Variants in SLC2A9 observed in about 807,000 individuals in gnomAD.
SLC2A9 encodes the protein solute carrier family 2 member 9, also known as solute carrier family 2, facilitated glucose transporter member 9.
Under a neutral mutation model 50.6 loss-of-function variants are expected in SLC2A9, and 39 were observed. The observed-to-expected ratio is 0.77, with a 90% CI of 0.60 to 1.01. The LOEUF (loss-of-function observed/expected upper bound fraction) is 1.01. Ranked by LOEUF, SLC2A9 falls within the 50% of genes least tolerant of loss-of-function variation. The pLI is 0.00. For missense variants in SLC2A9, 686 were observed against 677.6 expected, an observed-to-expected ratio of 1.01 and a Z score of -0.14; for synonymous variants, 324 against 276.9, an observed-to-expected ratio of 1.17 and a Z score of -1.69.
At chr4:9,934,463 A>C (rs748085084) in intron 6 of SLC2A9, among the ~76,000 whole-genome samples, 1 of 152,198 alleles carries the variant, frequency 6.6e-6, no homozygotes, top group Non-Finnish European at 1.5e-5. Flanking sequence ...GTCTGATGGC[A>C]GAACAAGAAT....
At chr4:9,841,249 C>T (rs944479349) in intron 10 of SLC2A9, among the ~76,000 whole-genome samples, 2 of 152,208 alleles carry the variant, frequency 1.3e-5, no homozygotes, top group African/African-American at 4.8e-5. Context: ...GCTTTAGAGA[C>T]ACCCATTATC....
At chr4:9,868,784 A>G (rs2109472743) in intron 10 of SLC2A9, among the ~76,000 whole-genome samples, 1 of 152,308 alleles carries the variant, frequency 6.6e-6, no homozygotes, top group East Asian at 1.9e-4. Flanking sequence ...AGATTTTGGA[A>G]CATAATGTTT....
chr4:9,797,840 G>C (rs1470110204), downstream of SLC2A9, among the ~76,000 whole-genome samples: 1 of 152,120 alleles, frequency 6.6e-6, no homozygotes, highest in African/African-American at 2.4e-5. Flanking sequence ...GCCCAGGCTA[G>C]AGTGCAGTGG....
chr4:9,958,372 C>A (rs1275598125), intron 5 of SLC2A9, among the ~76,000 whole-genome samples: 1 of 152,126 alleles, frequency 6.6e-6, no homozygotes, highest in African/African-American at 2.4e-5. Context: ...AACTATCATC[C>A]TCAGCAAACT....
chr4:9,967,129 G>C (rs1176935773), intron 5 of SLC2A9, among the ~76,000 whole-genome samples: 1 of 152,118 alleles, frequency 6.6e-6, no homozygotes, highest in Non-Finnish European at 1.5e-5. Context: ...AAATTGTATT[G>C]AATGAATACA....
chr4:9,984,881 T>A (rs1406254336), intron 4 of SLC2A9, among the ~76,000 whole-genome samples: 3 of 152,166 alleles, frequency 2.0e-5, no homozygotes, highest in East Asian at 3.9e-4. Flanking sequence ...AGGCACACAG[T>A]CCTCGCCGTG....
chr4:9,782,663 G>T, intron 3 of SLC2A9: 5 of 1,614,026 alleles, frequency 3.1e-6, no homozygotes, highest in Non-Finnish European at 4.2e-6. Context: ...GGAGCCCGAC[G>T]TGAATGCAGA....
At chr4:10,000,102 G>C (rs917212785) in intron 2 of SLC2A9, among the ~76,000 whole-genome samples, 2 of 150,322 alleles carry the variant, frequency 1.3e-5, no homozygotes, top group African/African-American at 4.9e-5. Flanking sequence ...TCTTCTTTCT[G>C]TTTTCTCTTT....
intron 10 of SLC2A9, among the ~76,000 whole-genome samples, chr4:9,856,511 TTGG>T (rs1276644592): frequency 6.6e-6 from 1 of 152,174 alleles, no homozygotes; most frequent in East Asian, 1.9e-4. Flanking sequence ...TTATATACTG[TTGG>T]TGGGAATGTG....
intron 2 of SLC2A9, among the ~76,000 whole-genome samples, chr4:10,000,191 T>C (rs143904746): frequency 7.7e-4 from 117 of 152,332 alleles, no homozygotes; most frequent in African/African-American, 2.7e-3. Flanking sequence ...GCTATTTCTA[T>C]CGATGATGAA....
At chr4:9,817,250 A>G (rs1268622440) in intron 3 of SLC2A9, among the ~76,000 whole-genome samples, 1 of 152,212 alleles carries the variant, frequency 6.6e-6, no homozygotes, top group African/African-American at 2.4e-5. Context: ...TTGCCCTGTA[A>G]GTTAACATAC....
intron 3 of SLC2A9, chr4:9,995,949 A>G (rs767233544): frequency 2.0e-5 from 3 of 152,430 alleles, no homozygotes; most frequent in Non-Finnish European, 2.9e-5. Flanking sequence ...CTCTTTCCAC[A>G]CACTGCTCAC....
At chr4:9,975,917 T>C (rs570450531) in intron 5 of SLC2A9, among the ~76,000 whole-genome samples, 1 of 152,346 alleles carries the variant, frequency 6.6e-6, no homozygotes, top group South Asian at 2.1e-4. Context: ...TATGCAGCCA[T>C]GAGAAGAAGC....
Position 9,914,465 on chromosome 4 carries a change from C to G in SLC2A9, c.1002+5920G>C, listed in dbSNP as rs112558516. Among the ~76,000 whole-genome samples the G allele has an allele frequency of 4.1e-3, 619 of 152,320 alleles. 6 individuals are homozygous for G. The highest frequency in any genetic ancestry group is 0.014 in the African/African-American group (581 of 41,558). On this transcript the variant is annotated intron_variant, in intron 7 of 11. Coordinates refer to ENST00000264784, the MANE Select transcript of SLC2A9 (RefSeq NM_020041.3). ...GAGGAATGAGCTGACTCTCCCACAT[C>G]TCTCACTGGGACCAGTTGCACCCCG...
intron 10 of SLC2A9, among the ~76,000 whole-genome samples, chr4:9,883,132 TACACAC>T (rs56300042): frequency 6.7e-6 from 1 of 149,468 alleles, no homozygotes; most frequent in South Asian, 2.1e-4. Flanking sequence ...GCAAGCTATC[TACACAC>T]ACACACACAC....
chr4:10,007,326 C>A (rs900054713), intron 2 of SLC2A9, among the ~76,000 whole-genome samples: 1 of 152,222 alleles, frequency 6.6e-6, no homozygotes, highest in Admixed American at 6.5e-5. Context: ...GGCTGACTCA[C>A]TGGGAAAGAG....
At chr4:9,951,106 G>A (rs1264669716) in intron 5 of SLC2A9, among the ~76,000 whole-genome samples, 2 of 152,138 alleles carry the variant, frequency 1.3e-5, no homozygotes, top group African/African-American at 4.8e-5. Flanking sequence ...TCCATCAATG[G>A]ATGAATAAAG....
At chr4:9,784,579 A>C (rs1170995524) in intron 3 of SLC2A9, among the ~76,000 whole-genome samples, 1 of 152,262 alleles carries the variant, frequency 6.6e-6, no homozygotes, top group African/African-American at 2.4e-5. Context: ...TGTAGAAGCC[A>C]GAGATGAAAT....
intron 4 of SLC2A9, among the ~76,000 whole-genome samples, chr4:9,981,745 G>C (rs1162434052): frequency 6.6e-6 from 1 of 152,182 alleles, no homozygotes; most frequent in Non-Finnish European, 1.5e-5. Flanking sequence ...AAACCTTCTA[G>C]ATGAAGAACA....
Sources: allele counts gnomAD v4.1 joint callset (sites outside exome capture counted in the v4.1 genomes callset), GRCh38; gene constraint gnomAD v4.1.1; transcripts MANE v1.5; gene names NCBI Gene and HGNC (gene_info 2026-07-23, HGNC 2026-07-21).